BRINP1: variants seen among roughly 807,000 people sequenced by gnomAD.
BRINP1 encodes the protein BMP/retinoic acid-inducible neural-specific protein 1.
Under a neutral mutation model 72.9 loss-of-function variants are expected in BRINP1, and 17 were observed. That is an observed-to-expected ratio of 0.23 (90% confidence interval 0.16 to 0.35). The LOEUF (loss-of-function observed/expected upper bound fraction) is 0.35. Ranked by LOEUF, BRINP1 falls within the 10% of genes least tolerant of loss-of-function variation. BRINP1 has a pLI of 1.00. For missense variants in BRINP1, 850 were observed against 1,001.6 expected (o/e 0.85, Z 2.04); for synonymous variants, 418 against 378.5 (o/e 1.10, Z -1.21).
intron 2 of BRINP1, among the ~76,000 whole-genome samples, chr9:119,265,275 T>C (rs1365683083): frequency 6.6e-6 from 1 of 152,124 alleles, no homozygotes; most frequent in African/African-American, 2.4e-5. Flanking sequence ...GTTTGGGATA[T>C]TCTTAACACC....
intron 6 of BRINP1, 31 bp from the exon 7 acceptor site, chr9:119,208,972 G>T: frequency 6.4e-7 from 1 of 1,574,222 alleles, no homozygotes; most frequent in Non-Finnish European, 8.7e-7. Flanking sequence ...AGAGAGAAGG[G>T]CTAAGCATGA....
chr9:119,287,010 A>T (rs914556292), intron 2 of BRINP1, among the ~76,000 whole-genome samples: 14 of 151,972 alleles, frequency 9.2e-5, no homozygotes, highest in Non-Finnish European at 1.8e-4. Flanking sequence ...AGTCTAGTTA[A>T]TTTCACCTTG....
In BRINP1 at chr9:119,311,807, G is replaced by C. The variant is rs937881792; in HGVS notation, c.218+1331C>G. ...AAAAATGTTTGGAAAAAGTTTCTTA[G>C]AGCTTGCAACACTCCACATTTGGAA... On this transcript the variant is annotated intron_variant, in intron 2 of 7. Coordinates refer to ENST00000265922, the MANE Select transcript of BRINP1 (RefSeq NM_014618.3). Among the ~76,000 whole-genome samples, 8 of 152,226 alleles carry C rather than the reference G, an allele frequency of 5.3e-5. 1 individual carries two copies. Among genetic ancestry groups the C allele is most frequent in the African/African-American group, 1.9e-4 (8 of 41,532 alleles).
At chr9:119,295,278 A>C (rs1361122494) in intron 2 of BRINP1, among the ~76,000 whole-genome samples, 2 of 152,192 alleles carry the variant, frequency 1.3e-5, no homozygotes, top group East Asian at 3.9e-4. Flanking sequence ...TGCTGGCCTC[A>C]AGCAATCCAT....
intron 2 of BRINP1, among the ~76,000 whole-genome samples, chr9:119,287,438 C>G (rs2118969030): frequency 6.6e-6 from 1 of 152,306 alleles, no homozygotes; most frequent in Middle Eastern, 3.4e-3. Context: ...ACCACAAACA[C>G]CTCATCAGTA....
intron 2 of BRINP1, among the ~76,000 whole-genome samples, chr9:119,253,568 T>C (rs768215513): frequency 6.6e-6 from 1 of 151,914 alleles, no homozygotes; most frequent in Non-Finnish European, 1.5e-5. Flanking sequence ...CTCGTGAAGA[T>C]AGAGAGTGAA....
At chr9:119,220,617 C>CAA (rs201690872) in intron 5 of BRINP1, among the ~76,000 whole-genome samples, 5,431 of 147,414 alleles carry the variant, frequency 0.037, 293 homozygotes, top group African/African-American at 0.12. Context: ...AAAACTAAAG[C>CAA]AAAAAAAAAA....
chr9:119,299,549 G>C (rs1408826207), intron 2 of BRINP1, among the ~76,000 whole-genome samples: 1 of 150,828 alleles, frequency 6.6e-6, no homozygotes, highest in Non-Finnish European at 1.5e-5. Context: ...GGAGGCGGAG[G>C]TTGCAGTGAG....
chr9:119,169,941 T>TAACA (rs1222882194), intron 7 of BRINP1, among the ~76,000 whole-genome samples: 1 of 147,104 alleles, frequency 6.8e-6, no homozygotes, highest in Admixed American at 6.6e-5. Flanking sequence ...GAAGGAAAAC[T>TAACA]AACAAACAGA....
chr9:119,313,062 G>A, intron 2 of BRINP1, 76 bp downstream of exon 2: 1 of 1,501,372 alleles, frequency 6.7e-7, no homozygotes, highest in African/African-American at 1.4e-5. Flanking sequence ...ACACAGCAAG[G>A]TTTGCACCAA....
intron 3 of BRINP1, among the ~76,000 whole-genome samples, chr9:119,247,084 GC>G (rs1208461086): frequency 1.3e-5 from 2 of 152,228 alleles, no homozygotes; most frequent in African/African-American, 4.8e-5. Flanking sequence ...CAAGAGCACA[GC>G]TTTTAATGGA....
intron 7 of BRINP1, among the ~76,000 whole-genome samples, chr9:119,195,267 G>T (rs1477485087): frequency 2.0e-5 from 3 of 152,006 alleles, no homozygotes; most frequent in African/African-American, 4.8e-5. Context: ...CTAAATATTT[G>T]TTGAATGAAT....
chr9:119,243,322 C>T (rs933023970), intron 3 of BRINP1, among the ~76,000 whole-genome samples: 2 of 152,082 alleles, frequency 1.3e-5, no homozygotes, highest in African/African-American at 4.8e-5. Flanking sequence ...TCTGTTCCTG[C>T]CTTAGTTTGG....
chr9:119,362,827 T>TA (rs201194298), intron 1 of BRINP1, among the ~76,000 whole-genome samples: 1,687 of 152,238 alleles, frequency 0.011, 22 homozygotes, highest in Non-Finnish European at 0.017. Context: ...ATGGACATAA[T>TA]AAAAACCCAT....
intron 1 of BRINP1, among the ~76,000 whole-genome samples, chr9:119,333,336 G>A (rs181393075): frequency 5.5e-4 from 83 of 151,820 alleles, no homozygotes; most frequent in African/African-American, 1.8e-3. Flanking sequence ...GGTGGTGCAC[G>A]CCTGTGGTCC....
At chr9:119,252,240 A>C (rs986976571) in intron 2 of BRINP1, among the ~76,000 whole-genome samples, 3 of 152,176 alleles carry the variant, frequency 2.0e-5, no homozygotes, top group African/African-American at 2.4e-5. Flanking sequence ...CATGGGCTTA[A>C]GCTAGGAAAC....
At chr9:119,251,258 A>G (rs1371162997) in intron 2 of BRINP1, among the ~76,000 whole-genome samples, 1 of 152,190 alleles carries the variant, frequency 6.6e-6, no homozygotes, top group Non-Finnish European at 1.5e-5. Context: ...AGGGGAATGC[A>G]CATGTCACAG....
intron 1 of BRINP1, among the ~76,000 whole-genome samples, chr9:119,358,560 G>A (rs150852831): frequency 2.0e-4 from 31 of 152,086 alleles, no homozygotes; most frequent in Admixed American, 7.2e-4. Flanking sequence ...CGGGCATGGC[G>A]GCGTGTGCCT....
intron 7 of BRINP1, among the ~76,000 whole-genome samples, chr9:119,173,065 C>G (rs1357440080): frequency 6.9e-6 from 1 of 145,966 alleles, no homozygotes; most frequent in Non-Finnish European, 1.5e-5. Flanking sequence ...CCTTTGAAAA[C>G]TGGCACAAGA....
Sources: allele counts gnomAD v4.1 joint callset (sites outside exome capture counted in the v4.1 genomes callset), GRCh38; gene constraint gnomAD v4.1.1; transcripts MANE v1.5; gene names NCBI Gene and HGNC (gene_info 2026-07-23, HGNC 2026-07-21).